The following ADARB2 variants were observed in gnomAD, a reference collection of about 807,000 sequenced individuals.
The protein encoded by ADARB2 is inactive double-stranded RNA-specific editase B2.
Under a neutral mutation model 62.2 loss-of-function variants are expected in ADARB2, and 25 were observed. The observed-to-expected ratio is 0.40, with a 90% CI of 0.29 to 0.56. ADARB2 has a LOEUF of 0.56. ADARB2 is among the 20% of genes least tolerant of loss of function. ADARB2 has a pLI of 0.43. For synonymous variants in ADARB2, 572 were observed against 500.8 expected (o/e 1.14, Z -1.90); for missense variants, 1,071 against 1,077.4 (o/e 0.99, Z 0.08).
chr10:1,385,417 A>T (rs569295807), intron 1 of ADARB2, among the ~76,000 whole-genome samples: 23 of 152,170 alleles, frequency 1.5e-4, no homozygotes, highest in Admixed American at 1.4e-3. Flanking sequence ...AAGTAAATAG[A>T]TGGGGAATCT....
In ADARB2 at chr10:1,571,510, G is replaced by A. The variant is rs75583283; in HGVS notation, c.100+165541C>T. On this transcript the variant is annotated intron_variant, in intron 1 of 9. Transcript: ENST00000381312. ...ATGTTTTTCTGCTGCAAATGAGTAA[G>A]AATTGTGGATATTGTGGCAGCTGCA... is the stretch of plus-strand genomic sequence containing the variant. Among the ~76,000 whole-genome samples the A allele has an allele frequency of 2.9e-3, 439 of 152,374 alleles. 2 individuals are homozygous for A. Among genetic ancestry groups the A allele is most frequent in the Non-Finnish European group, 5.3e-3 (361 of 68,034 alleles).
At chr10:1,313,172 G>A (rs1253552250) in intron 3 of ADARB2, among the ~76,000 whole-genome samples, 1 of 152,112 alleles carries the variant, frequency 6.6e-6, no homozygotes, top group Non-Finnish European at 1.5e-5. Context: ...GGGTCTCAGG[G>A]TCTTATCTGT....
At chr10:1,570,762 G>A (rs563261819) in intron 1 of ADARB2, among the ~76,000 whole-genome samples, 47 of 152,280 alleles carry the variant, frequency 3.1e-4, no homozygotes, top group African/African-American at 1.1e-3. Flanking sequence ...TGGCTGGGAG[G>A]ACGGGGCAGA....
rs190791351 is a variant in ADARB2, at chr10:1,381,197, T to C, written c.101-2037A>G. On this transcript the variant is annotated intron_variant, in intron 1 of 9. Coordinates refer to ENST00000381312, the MANE Select transcript of ADARB2 (RefSeq NM_018702.4). ...ATACACACACACACACACACACACATATATACTTAAAAACCTTATTCATGG... is the reference window on the plus strand; with the variant it reads ...ATACACACACACACACACACACACACATATACTTAAAAACCTTATTCATGG... 7.5e-3 allele frequency among the ~76,000 whole-genome samples: 1,132 copies of C among 151,574 alleles called. 20 individuals carry two copies. Among genetic ancestry groups the C allele is most frequent in the African/African-American group, 0.025 (1,045 of 41,060 alleles).
chr10:1,283,497 A>AATAACTGG (rs1831387355), intron 3 of ADARB2, among the ~76,000 whole-genome samples: 1 of 152,242 alleles, frequency 6.6e-6, no homozygotes, highest in African/African-American at 2.4e-5. Context: ...CCATCATGAG[A>AATAACTGG]ATAACTGGTG....
chr10:1,692,953 C>T (rs1200751049), intron 1 of ADARB2, among the ~76,000 whole-genome samples: 1 of 152,182 alleles, frequency 6.6e-6, no homozygotes, highest in African/African-American at 2.4e-5. Context: ...AACTCCTGTT[C>T]CTCATGCAGC....
chr10:1,423,630 C>T (rs539039861), intron 1 of ADARB2, among the ~76,000 whole-genome samples: 48 of 152,224 alleles, frequency 3.2e-4, no homozygotes, highest in African/African-American at 1.1e-3. Flanking sequence ...GCAGTAGGTC[C>T]ACTATGTATG....
intron 4 of ADARB2, 56 bp from the exon 5 acceptor site, chr10:1,242,355 C>T (rs113690732): frequency 4.0e-6 from 6 of 1,492,540 alleles, no homozygotes; most frequent in Non-Finnish European, 5.4e-6. Context: ...TCTCCCTCCT[C>T]CTCGGTCTTT....
At chr10:1,222,881 A>G (rs1300740383) in intron 6 of ADARB2, among the ~76,000 whole-genome samples, 1 of 151,054 alleles carries the variant, frequency 6.6e-6, no homozygotes, top group Non-Finnish European at 1.5e-5. Flanking sequence ...TTGGCTTAGG[A>G]TTGACTTGGT....
At chr10:1,334,515 T>C (rs1831956614) in intron 3 of ADARB2, among the ~76,000 whole-genome samples, 1 of 152,264 alleles carries the variant, frequency 6.6e-6, no homozygotes, top group South Asian at 2.1e-4. Context: ...TGCATGTTTA[T>C]ATGTGTACAT....
intron 1 of ADARB2, among the ~76,000 whole-genome samples, chr10:1,379,451 C>G (rs1323637559): frequency 6.6e-6 from 1 of 152,186 alleles, no homozygotes; most frequent in African/African-American, 2.4e-5. Flanking sequence ...AGGGCGACAA[C>G]CTTGCATCTG....
rs1836646316 is a variant in ADARB2 at position 1,179,978 on chromosome 10, TC to T, written c.*3214del. ...TTTCAGGGTGACAGAAAGTGACCCGTCCCCTACTTGTGTCTTGCCCCCTCAC... is the reference window on the plus strand; with the variant it reads ...TTTCAGGGTGACAGAAAGTGACCCGTCCCTACTTGTGTCTTGCCCCCTCAC... On this transcript the variant is annotated 3_prime_UTR_variant, in exon 10 of 10. Coordinates refer to ENST00000381312, the MANE Select transcript of ADARB2 (RefSeq NM_018702.4). 6.6e-6 allele frequency: 1 copy of T among 151,204 alleles called. No homozygotes were observed. Among genetic ancestry groups the T allele is most frequent in the Admixed American group, 6.6e-5 (1 of 15,236 alleles). The allele number at this position is 151,204 out of a possible 1,614,324, so 9.4% of individuals were successfully genotyped here. A position where few individuals can be genotyped will look rare whatever the true frequency, so the allele number is the denominator to read the frequency against.
At chr10:1,271,243 C>A (rs1218244016) in intron 3 of ADARB2, among the ~76,000 whole-genome samples, 174 bp from the exon 4 acceptor site, 1 of 152,208 alleles carries the variant, frequency 6.6e-6, no homozygotes, top group Non-Finnish European at 1.5e-5. Context: ...CTCTCCCTGG[C>A]TGTGCCCCCA....
intron 1 of ADARB2, among the ~76,000 whole-genome samples, chr10:1,529,353 A>G (rs896242899): frequency 6.6e-6 from 1 of 151,952 alleles, no homozygotes; most frequent in Non-Finnish European, 1.5e-5. Context: ...AAATCCTCCA[A>G]TCAGTCCATG....
At chr10:1,260,084 T>G (rs1831119423) in intron 4 of ADARB2, among the ~76,000 whole-genome samples, 1 of 150,210 alleles carries the variant, frequency 6.7e-6, no homozygotes, top group South Asian at 2.2e-4. Context: ...GAAAAGGCCT[T>G]TGACAAAATT....
At chr10:1,564,075 A>G (rs1241409105) in intron 1 of ADARB2, among the ~76,000 whole-genome samples, 1 of 151,750 alleles carries the variant, frequency 6.6e-6, no homozygotes, top group Non-Finnish European at 1.5e-5. Flanking sequence ...ATTGTGAATA[A>G]TGCCGCAATA....
chr10:1,194,518 A>G (rs997069593), intron 8 of ADARB2, among the ~76,000 whole-genome samples: 3 of 84,116 alleles, frequency 3.6e-5, no homozygotes, highest in East Asian at 7.0e-4. Context: ...TCTATTATCT[A>G]TCTATCTAAT....
intron 1 of ADARB2, among the ~76,000 whole-genome samples, chr10:1,635,973 C>T (rs996411389): frequency 2.0e-5 from 3 of 151,424 alleles, no homozygotes; most frequent in Admixed American, 6.6e-5. Context: ...ACATAAACCA[C>T]GGCTGGATAG....
At chr10:1,662,316 G>A (rs1158091716) in intron 1 of ADARB2, among the ~76,000 whole-genome samples, 1 of 152,196 alleles carries the variant, frequency 6.6e-6, no homozygotes, top group Non-Finnish European at 1.5e-5. Context: ...CCAGCGGAGA[G>A]GAGATGGGCC....
Sources: gnomAD v4.1 joint callset for allele counts (sites outside exome capture counted in the v4.1 genomes callset) on GRCh38, gnomAD v4.1.1 for gene constraint, MANE v1.5 for transcripts, NCBI Gene and HGNC (gene_info 2026-07-23, HGNC 2026-07-21) for gene names.